Variants in PLCB4 observed in about 807,000 individuals in gnomAD.
PLCB4 encodes the protein phospholipase C beta 4.
A neutral mutation model predicts 178.8 loss-of-function variants in PLCB4; 77 were observed. The ratio of observed to expected loss-of-function variants is 0.43; its 90% CI spans 0.36 to 0.52. The LOEUF is 0.52. PLCB4 is among the 20% of genes least tolerant of loss of function. PLCB4 has a pLI of 0.00. For missense variants in PLCB4, 1,024 were observed against 1,453.4 expected, an observed-to-expected ratio of 0.70 and a Z score of 4.80; for synonymous variants, 496 against 490.8, an observed-to-expected ratio of 1.01 and a Z score of -0.14.
chr20:9,465,971 T>C (rs2043754326), intron 35 of PLCB4, among the ~76,000 whole-genome samples: 1 of 152,080 alleles, frequency 6.6e-6, no homozygotes, highest in Non-Finnish European at 1.5e-5. Context: ...GAGCCCTCAT[T>C]GCCAAGACAA....
chr20:9,305,095 A>G (rs1319552794), intron 3 of PLCB4, among the ~76,000 whole-genome samples: 1 of 142,432 alleles, frequency 7.0e-6, no homozygotes, highest in Non-Finnish European at 1.5e-5. Context: ...ATATTTCTGT[A>G]AACAACCATA....
Position 9,479,381 on chromosome 20 carries a change from G to A in PLCB4, c.*372G>A, listed in dbSNP as rs561281782. 2.0e-4 allele frequency: 35 copies of A among 178,632 alleles called. No homozygotes were observed. The highest frequency in any genetic ancestry group is 8.3e-4 in the African/African-American group (35 of 42,284). 11.1% of individuals were successfully genotyped at this position (178,632 alleles called of 1,614,324 possible). On this transcript the variant is annotated 3_prime_UTR_variant, in exon 40 of 40. Coordinates refer to ENST00000378473, the MANE Select transcript of PLCB4 (RefSeq NM_001377142.1). ...GCAAAAAACAAAAACAAAAAACAGT[G>A]CATTAGCAATTTCATAGCAAGTGCA... is the stretch of plus-strand genomic sequence containing the variant.
At chr20:9,262,931 GAAAGCTTT>G (rs1344194648) in intron 3 of PLCB4, among the ~76,000 whole-genome samples, 1 of 152,158 alleles carries the variant, frequency 6.6e-6, no homozygotes, top group Non-Finnish European at 1.5e-5. Flanking sequence ...ATATGAACTG[GAAAGCTTT>G]AAAGAATCCA....
At chr20:9,076,360 G>A (rs955414448) in intron 1 of PLCB4, among the ~76,000 whole-genome samples, 26 of 152,108 alleles carry the variant, frequency 1.7e-4, no homozygotes, top group African/African-American at 5.8e-4. Flanking sequence ...CCAGCTACTC[G>A]GGAGGCTAAG....
intron 28 of PLCB4, among the ~76,000 whole-genome samples, chr20:9,432,972 G>T (rs2041529091): frequency 6.6e-6 from 1 of 152,194 alleles, no homozygotes; most frequent in Admixed American, 6.5e-5. Flanking sequence ...GGGAGCCAAA[G>T]TATTGCCATG....
chr20:9,452,463 T>G (rs1487818918), intron 32 of PLCB4, among the ~76,000 whole-genome samples: 1 of 151,996 alleles, frequency 6.6e-6, no homozygotes, highest in African/African-American at 2.4e-5. Flanking sequence ...TTCTCAAGAG[T>G]AAGGTTAGGC....
In PLCB4 at chr20:9,338,861, T is replaced by A; in HGVS notation, c.226-33T>A. On this transcript the variant is annotated intron_variant, in intron 6 of 39. Coordinates refer to ENST00000378473, the MANE Select transcript of PLCB4 (RefSeq NM_001377142.1). ...TTCCTCCATGCTCTGTGATGTAACTTATTTTTTTTTCTATCTGTGTACCTC... is the reference window on the plus strand; with the variant it reads ...TTCCTCCATGCTCTGTGATGTAACTAATTTTTTTTTCTATCTGTGTACCTC... 2.5e-6 allele frequency: 4 copies of A among 1,572,384 alleles called. No individual in the cohort carries two copies. In the Admixed American group the frequency reaches 7.1e-5, roughly 28 times the overall value.
intron 3 of PLCB4, among the ~76,000 whole-genome samples, chr20:9,255,110 G>A (rs2087714798): frequency 6.6e-6 from 1 of 152,106 alleles, no homozygotes; most frequent in South Asian, 2.1e-4. Flanking sequence ...CAATACTATA[G>A]ATAAGACATG....
chr20:9,377,110 T>C (rs1223321809), intron 12 of PLCB4, among the ~76,000 whole-genome samples: 1 of 152,146 alleles, frequency 6.6e-6, no homozygotes, highest in African/African-American at 2.4e-5. Flanking sequence ...AACATTCATC[T>C]CTCCCAGTGC....
intron 2 of PLCB4, among the ~76,000 whole-genome samples, chr20:9,118,228 C>G (rs536653223): frequency 1.2e-3 from 139 of 114,448 alleles, no homozygotes; most frequent in African/African-American, 4.5e-3. Context: ...CCCCTCCCCC[C>G]ACCCCACCAC....
chr20:9,425,282 A>G (rs902370097), intron 28 of PLCB4, among the ~76,000 whole-genome samples: 2 of 152,206 alleles, frequency 1.3e-5, no homozygotes, highest in African/African-American at 4.8e-5. Flanking sequence ...ATCATACTCC[A>G]CATACGTGAG....
chr20:9,106,886 T>C (rs1233504546), intron 2 of PLCB4, among the ~76,000 whole-genome samples: 3 of 152,210 alleles, frequency 2.0e-5, no homozygotes, highest in Non-Finnish European at 4.4e-5. Context: ...GAGAAAAAGA[T>C]GAAACCTAAA....
In PLCB4 at chr20:9,308,978, C is replaced by T. The variant is rs535759406; in HGVS notation, c.84+1080C>T. Among the ~76,000 whole-genome samples the T allele has an allele frequency of 3.9e-5, 6 of 152,216 alleles. No individual in the cohort carries two copies. The East Asian group carries it at 1.2e-3, about 29-fold the overall frequency. The stretch of plus-strand genomic sequence containing the variant: ...GAGACAAGCACTGTTAATTCTTATG[C>T]AGTTTTCTTCTAGTCTTTTTTCATA... On this transcript the variant is annotated intron_variant, in intron 4 of 39. Transcript: ENST00000378473.
chr20:9,197,105 A>G (rs1489853375), intron 2 of PLCB4, among the ~76,000 whole-genome samples: 1 of 152,240 alleles, frequency 6.6e-6, no homozygotes, highest in Non-Finnish European at 1.5e-5. Flanking sequence ...TAATGATTAG[A>G]GGAGAGTTAA....
intron 2 of PLCB4, among the ~76,000 whole-genome samples, chr20:9,109,662 G>A (rs1184066072): frequency 6.6e-6 from 1 of 152,142 alleles, no homozygotes; most frequent in East Asian, 1.9e-4. Context: ...TTGTTTGGAA[G>A]ACAGGCAGAA....
At chr20:9,138,265 A>T (rs1477836428) in intron 2 of PLCB4, among the ~76,000 whole-genome samples, 2 of 152,086 alleles carry the variant, frequency 1.3e-5, no homozygotes, top group African/African-American at 4.8e-5. Flanking sequence ...CGGCCATAGG[A>T]TAGAATGGTA....
intron 2 of PLCB4, among the ~76,000 whole-genome samples, chr20:9,133,299 G>A (rs183293197): frequency 1.8e-4 from 27 of 152,060 alleles, no homozygotes; most frequent in African/African-American, 2.9e-4. Flanking sequence ...ATGGTCTCTC[G>A]CTCTGTCACC....
At chr20:9,359,122 A>G (rs948132961) in intron 7 of PLCB4, among the ~76,000 whole-genome samples, 3 of 152,180 alleles carry the variant, frequency 2.0e-5, no homozygotes, top group Admixed American at 2.0e-4. Flanking sequence ...GTGTAAGTTC[A>G]TAGTATTTTT....
chr20:9,198,247 G>A (rs1693109589), intron 2 of PLCB4, among the ~76,000 whole-genome samples: 1 of 152,062 alleles, frequency 6.6e-6, no homozygotes, highest in Non-Finnish European at 1.5e-5. Flanking sequence ...TTTCTCAAAG[G>A]TGTCTGTCAC....
Sources: allele counts gnomAD v4.1 joint callset (sites outside exome capture counted in the v4.1 genomes callset), GRCh38; gene constraint gnomAD v4.1.1; transcripts MANE v1.5; gene names NCBI Gene and HGNC (gene_info 2026-07-23, HGNC 2026-07-21).